CUX1: variants seen among roughly 807,000 people sequenced by gnomAD.
The protein encoded by CUX1 is cut like homeobox 1.
A neutral mutation model predicts 158.8 loss-of-function variants in CUX1; 31 were observed. That is an observed-to-expected ratio of 0.20 (90% CI 0.15 to 0.26). The LOEUF is 0.26. CUX1 is among the 10% of genes least tolerant of loss of function. The probability of loss-of-function intolerance (pLI) is 1.00; values close to 1 mark genes in which losing one functional copy is unlikely to be tolerated. For synonymous variants in CUX1, 879 were observed against 862.1 expected, an observed-to-expected ratio of 1.02 and a Z score of -0.34; for missense variants, 1,589 against 2,014.6, an observed-to-expected ratio of 0.79 and a Z score of 4.04.
intron 7 of CUX1, among the ~76,000 whole-genome samples, chr7:102,112,305 G>A (rs1830994504): frequency 6.9e-6 from 1 of 144,998 alleles, no homozygotes; most frequent in African/African-American, 2.6e-5. Flanking sequence ...GCAGTGGCAC[G>A]ATCTTGACTC....
intron 1 of CUX1, among the ~76,000 whole-genome samples, chr7:101,854,461 T>C (rs1796581196): frequency 6.6e-6 from 1 of 151,994 alleles, no homozygotes; most frequent in Admixed American, 6.6e-5. Flanking sequence ...CCTGCCTCCA[T>C]CATTTAGGGG....
intron 3 of CUX1, among the ~76,000 whole-genome samples, chr7:102,060,806 G>T (rs755614267): frequency 6.7e-6 from 1 of 150,056 alleles, no homozygotes; most frequent in Non-Finnish European, 1.5e-5. Flanking sequence ...TAGAGATGGG[G>T]TTTCACCATG....
intron 15 of CUX1, among the ~76,000 whole-genome samples, chr7:102,197,717 C>T (rs1794941463): frequency 6.6e-6 from 1 of 152,110 alleles, no homozygotes; most frequent in Admixed American, 6.6e-5. Context: ...TGGGCTCGAT[C>T]CTCATGCAAA....
chr7:102,276,492 G>A (rs181757381), intron 17 of CUX1, among the ~76,000 whole-genome samples: 63 of 152,252 alleles, frequency 4.1e-4, no homozygotes, highest in Admixed American at 7.9e-4. Context: ...AGTAGAGACA[G>A]GATTTCTCCA....
chr7:102,141,082 G>A (rs1051283106), intron 8 of CUX1, among the ~76,000 whole-genome samples: 14 of 152,050 alleles, frequency 9.2e-5, no homozygotes, highest in Admixed American at 7.2e-4. Flanking sequence ...GACGGTCTTC[G>A]TGGGGCCAGC....
intron 5 of CUX1, among the ~76,000 whole-genome samples, chr7:102,101,819 C>T (rs1458508656): frequency 1.3e-5 from 2 of 151,322 alleles, no homozygotes; most frequent in African/African-American, 2.4e-5. Context: ...GACTGAGGCA[C>T]GAGAATTGTG....
chr7:101,904,276 G>C (rs1400634975), intron 1 of CUX1, among the ~76,000 whole-genome samples: 1 of 152,006 alleles, frequency 6.6e-6, no homozygotes, highest in East Asian at 1.9e-4. Context: ...CTCCAGCCTG[G>C]GTAACACAGT....
intron 2 of CUX1, among the ~76,000 whole-genome samples, chr7:101,971,156 G>A (rs956980646): frequency 6.6e-6 from 1 of 152,242 alleles, no homozygotes; most frequent in Admixed American, 6.5e-5. Context: ...GGCGCTGCCA[G>A]CAAGGGTTGA....
chr7:102,200,931 G>A (rs1795350475), intron 17 of CUX1, among the ~76,000 whole-genome samples: 1 of 149,994 alleles, frequency 6.7e-6, no homozygotes, highest in African/African-American at 2.5e-5. Context: ...GCTGAGCTGG[G>A]AGGATTGCTT....
At chr7:102,224,793 C>G (rs1347555551) in intron 20 of CUX1, among the ~76,000 whole-genome samples, 1 of 152,200 alleles carries the variant, frequency 6.6e-6, no homozygotes, top group East Asian at 1.9e-4. Flanking sequence ...GCACCCAGAA[C>G]AAAACAGGGA....
At chr7:102,006,010 A>C (rs1008691718) in intron 2 of CUX1, among the ~76,000 whole-genome samples, 2 of 152,190 alleles carry the variant, frequency 1.3e-5, no homozygotes, top group African/African-American at 4.8e-5. Context: ...AGCCGATGGA[A>C]GATGCGCTTG....
At chr7:102,024,334 G>GT (rs1376693533) in intron 2 of CUX1, among the ~76,000 whole-genome samples, 1 of 151,618 alleles carries the variant, frequency 6.6e-6, no homozygotes, top group Admixed American at 6.6e-5. Context: ...GCCTTTTTTT[G>GT]TTTTTTCTTT....
chr7:101,973,942 G>A (rs1278218662), intron 2 of CUX1, among the ~76,000 whole-genome samples: 2 of 151,356 alleles, frequency 1.3e-5, no homozygotes, highest in African/African-American at 4.9e-5. Context: ...CTAATTTTTT[G>A]TATTTTTAGT....
intron 3 of CUX1, among the ~76,000 whole-genome samples, chr7:102,066,035 T>G (rs1309338565): frequency 1.3e-5 from 2 of 152,100 alleles, no homozygotes; most frequent in African/African-American, 2.4e-5. Flanking sequence ...GTGATCCACC[T>G]GCCTTGGCCT....
At chr7:101,964,084 G>A (rs1585110878) in intron 2 of CUX1, among the ~76,000 whole-genome samples, 1 of 152,268 alleles carries the variant, frequency 6.6e-6, no homozygotes, top group Middle Eastern at 3.4e-3. Context: ...GGGCACAGTG[G>A]CTTATGCCTG....
At chr7:102,081,719 T>G (rs1382958879) in intron 4 of CUX1, among the ~76,000 whole-genome samples, 1 of 146,264 alleles carries the variant, frequency 6.8e-6, no homozygotes, top group African/African-American at 2.4e-5. Context: ...TGCAACCTCC[T>G]CCTCCTGGGT....
At position 102,257,001 on chromosome 7, in the gene CUX1, G is replaced by A. The variant is rs1422806155; in HGVS notation, c.*7959G>A. 2 of 985,308 alleles carry A rather than the reference G, an allele frequency of 2.0e-6. No homozygotes were observed. Among genetic ancestry groups the A allele is most frequent in the Non-Finnish European group, 2.4e-6 (2 of 829,952 alleles). 61.0% of individuals were successfully genotyped at this position (985,308 alleles called of 1,614,324 possible). ...AGAGGGCCCCTTTCCCCTATAGGTG[G>A]TTCAACGTGGAGGAAGGTTGGGTGT... On this transcript the variant is annotated 3_prime_UTR_variant, in exon 24 of 24. Transcript: ENST00000292535.
rs567885140 is a variant in CUX1, at chr7:102,206,823, C to G, written c.3130+1653C>G. Among the ~76,000 whole-genome samples the G allele has an allele frequency of 2.0e-3, 300 of 152,178 alleles. 3 individuals are homozygous for G. The Middle Eastern group carries it at 0.024, about 12-fold the overall frequency. ...CTGAGGCAGGAGAATTGCTTGAACC[C>G]AGGAGGCGGAGGTTGCAGTGAGCTG... On this transcript the variant is annotated intron_variant, in intron 20 of 23. Transcript: ENST00000292535.
intron 19 of CUX1, 33 bp downstream of exon 19, chr7:102,204,589 C>A (rs1216761462): frequency 1.5e-5 from 24 of 1,602,662 alleles, no homozygotes; most frequent in Non-Finnish European, 2.0e-5. Context: ...AGAGGGGCTG[C>A]CCCCCCATAG....
Sources: allele counts gnomAD v4.1 joint callset (sites outside exome capture counted in the v4.1 genomes callset), GRCh38; gene constraint gnomAD v4.1.1; transcripts MANE v1.5; gene names NCBI Gene and HGNC (gene_info 2026-07-23, HGNC 2026-07-21).